Variants in SCFD2 observed in about 807,000 individuals in gnomAD.
SCFD2 encodes sec1 family domain-containing protein 2.
SCFD2 carries 54 observed loss-of-function variants against 58.9 expected under a neutral mutation model. That is an observed-to-expected ratio of 0.92 (90% CI 0.74 to 1.15). SCFD2 has a LOEUF of 1.15. Among genes scored for constraint, SCFD2 ranks in the 50% most tolerant of loss-of-function variants. SCFD2 has a pLI of 0.00. For missense variants in SCFD2, 805 were observed against 836.6 expected (o/e 0.96, Z 0.47); for synonymous variants, 321 against 335.9 (o/e 0.96, Z 0.49).
At chr4:52,899,759 C>A (rs1719133103) in intron 7 of SCFD2, among the ~76,000 whole-genome samples, 3 of 152,168 alleles carry the variant, frequency 2.0e-5, no homozygotes, top group Admixed American at 1.3e-4. Context: ...CAACTTGGTT[C>A]CATTCTTCCC....
intron 4 of SCFD2, among the ~76,000 whole-genome samples, chr4:53,191,570 C>G (rs1317580676): frequency 2.0e-5 from 3 of 151,944 alleles, no homozygotes; most frequent in Admixed American, 6.6e-5. Context: ...CCGTGCCCAG[C>G]TAATTTTTGT....
chr4:53,041,122 C>T (rs1276755739), intron 5 of SCFD2, among the ~76,000 whole-genome samples: 3 of 152,130 alleles, frequency 2.0e-5, no homozygotes, highest in African/African-American at 7.2e-5. Flanking sequence ...GAATATAAAA[C>T]ATATCTCTCA....
chr4:53,220,130 T>G (rs2148994102), intron 4 of SCFD2, among the ~76,000 whole-genome samples: 1 of 152,366 alleles, frequency 6.6e-6, no homozygotes, highest in East Asian at 1.9e-4. Flanking sequence ...CTCACCATTC[T>G]GTATCTGATA....
intron 4 of SCFD2, among the ~76,000 whole-genome samples, chr4:53,243,811 A>T (rs935420388): frequency 2.6e-5 from 4 of 152,206 alleles, no homozygotes; most frequent in African/African-American, 2.4e-5. Context: ...TCTACCAAGC[A>T]AATGGAAAGC....
At chr4:53,011,553 G>A (rs1722093837) in intron 5 of SCFD2, among the ~76,000 whole-genome samples, 1 of 152,174 alleles carries the variant, frequency 6.6e-6, no homozygotes, top group Non-Finnish European at 1.5e-5. Flanking sequence ...TAAGTGAAAT[G>A]GAAGTTTGTT....
chr4:52,905,819 A>T (rs1368723879), intron 7 of SCFD2, among the ~76,000 whole-genome samples: 1 of 152,172 alleles, frequency 6.6e-6, no homozygotes, highest in African/African-American at 2.4e-5. Flanking sequence ...AATAAACATG[A>T]TCAACAACAA....
intron 5 of SCFD2, chr4:52,948,506 A>C: frequency 4.4e-6 from 2 of 456,560 alleles, no homozygotes; most frequent in South Asian, 1.5e-5. Flanking sequence ...TGAAGATGCC[A>C]ATGAGCTAGT....
Position 53,358,501 on chromosome 4 carries a change from C to T in SCFD2, c.839-5735G>A, listed in dbSNP as rs968413024. On this transcript the variant is annotated intron_variant, in intron 1 of 8. Transcript: ENST00000401642. ...CTGGAAGGTGAAGGTTGCAGTGAGC[C>T]GAGATGGTGCCATTGCACTCCAGCC... is the stretch of plus-strand genomic sequence containing the variant. Among the ~76,000 whole-genome samples, 4 of 150,172 alleles carry T rather than the reference C, an allele frequency of 2.7e-5. No homozygotes were observed. The East Asian group carries it at 5.9e-4, about 22-fold the overall frequency.
chr4:53,223,541 A>G (rs897130547), intron 4 of SCFD2, among the ~76,000 whole-genome samples: 6 of 152,232 alleles, frequency 3.9e-5, no homozygotes, highest in Non-Finnish European at 7.3e-5. Context: ...GTGTCTTTGC[A>G]TATACAGTTC....
chr4:53,041,474 G>T (rs1722899195), intron 5 of SCFD2, among the ~76,000 whole-genome samples: 1 of 152,116 alleles, frequency 6.6e-6, no homozygotes, highest in Non-Finnish European at 1.5e-5. Context: ...TACCATACTT[G>T]CACACAGTAA....
chr4:53,140,064 A>G (rs1560353616), intron 5 of SCFD2, among the ~76,000 whole-genome samples: 1 of 151,878 alleles, frequency 6.6e-6, no homozygotes, highest in Non-Finnish European at 1.5e-5. Flanking sequence ...GGACACAAAC[A>G]CTGCGGAAGG....
intron 5 of SCFD2, among the ~76,000 whole-genome samples, chr4:52,992,161 G>A (rs906236907): frequency 1.3e-5 from 2 of 152,136 alleles, no homozygotes; most frequent in African/African-American, 4.8e-5. Context: ...CGAGTGCCTG[G>A]GATTGCAGGA....
intron 4 of SCFD2, among the ~76,000 whole-genome samples, chr4:53,251,112 C>G (rs948155538): frequency 1.3e-5 from 2 of 152,146 alleles, no homozygotes; most frequent in Admixed American, 6.5e-5. Context: ...CACCTCTACG[C>G]AAATAAACAA....
At chr4:52,903,007 A>C (rs1719242550) in intron 7 of SCFD2, among the ~76,000 whole-genome samples, 1 of 152,220 alleles carries the variant, frequency 6.6e-6, no homozygotes, top group South Asian at 2.1e-4. Flanking sequence ...AAGATGTTAA[A>C]TAGGAAAGAG....
At chr4:53,174,309 T>G (rs1180553311) in intron 4 of SCFD2, among the ~76,000 whole-genome samples, 1 of 151,752 alleles carries the variant, frequency 6.6e-6, no homozygotes, top group African/African-American at 2.4e-5. Context: ...AAGAAAAACA[T>G]AAAACCACAG....
intron 3 of SCFD2, among the ~76,000 whole-genome samples, chr4:53,302,953 A>T (rs1391868640): frequency 6.6e-6 from 1 of 152,236 alleles, no homozygotes; most frequent in Non-Finnish European, 1.5e-5. Flanking sequence ...AATTAATTCA[A>T]GATGGATTAA....
chr4:52,874,157 G>A (rs1718415621), intron 8 of SCFD2, 96 bp from the exon 9 acceptor site: 4 of 858,400 alleles, frequency 4.7e-6, no homozygotes, highest in Non-Finnish European at 7.8e-6. Context: ...AATGTCTTTG[G>A]GGGAGGGCAT....
chr4:53,196,058 T>C (rs1282949332), intron 4 of SCFD2, among the ~76,000 whole-genome samples: 1 of 152,146 alleles, frequency 6.6e-6, no homozygotes, highest in Non-Finnish European at 1.5e-5. Context: ...ATAAAAATAA[T>C]TTTAGATCAG....
intron 4 of SCFD2, among the ~76,000 whole-genome samples, chr4:53,248,118 A>G (rs576744434): frequency 3.3e-5 from 5 of 152,328 alleles, no homozygotes. Context: ...TGGGAAGCAC[A>G]AGGGATCAGG....
Sources: allele counts gnomAD v4.1 joint callset (sites outside exome capture counted in the v4.1 genomes callset), GRCh38; gene constraint gnomAD v4.1.1; transcripts MANE v1.5; gene names NCBI Gene and HGNC (gene_info 2026-07-23, HGNC 2026-07-21).